The following AFG2A variants were observed in gnomAD, a reference collection of about 807,000 sequenced individuals.
AFG2A encodes the protein ATPase family gene 2 protein homolog A.
At chr4:123,285,415 A>G in the AFG2A span, among the ~76,000 whole-genome samples, 1 of 151,896 alleles carries the variant, frequency 6.6e-6, no homozygotes, top group African/African-American at 2.4e-5. Context: ...TTTTCTCATT[A>G]CCTGAGACAC....
At chr4:122,982,864 C>CTTTTTTTTTT in the AFG2A span, among the ~76,000 whole-genome samples, 2 of 93,766 alleles carry the variant, frequency 2.1e-5, no homozygotes, top group East Asian at 3.2e-4. Context: ...TAATCTTCTT[C>CTTTTTTTTTT]TTTTTTTTTT....
At chr4:123,024,004 AAG>A in the AFG2A span, among the ~76,000 whole-genome samples, 1 of 151,768 alleles carries the variant, frequency 6.6e-6, no homozygotes, top group Non-Finnish European at 1.5e-5. Context: ...GTTAAATTAG[AAG>A]AGAGAGGAGT....
At chr4:123,305,458 C>G in the AFG2A span, among the ~76,000 whole-genome samples, 1 of 152,136 alleles carries the variant, frequency 6.6e-6, no homozygotes, top group African/African-American at 2.4e-5. Flanking sequence ...GACATGCTGA[C>G]GCTACCCAGG....
At chr4:123,228,863 T>C in the AFG2A span, among the ~76,000 whole-genome samples, 1 of 152,006 alleles carries the variant, frequency 6.6e-6, no homozygotes, top group African/African-American at 2.4e-5. Context: ...GGTAAGCTGA[T>C]TGGAGGCTAT....
At chr4:123,228,743 T>A in the AFG2A span, among the ~76,000 whole-genome samples, 2 of 151,998 alleles carry the variant, frequency 1.3e-5, no homozygotes, top group African/African-American at 4.8e-5. Flanking sequence ...TGTTACACAC[T>A]TAGCAAATGG....
the AFG2A span, among the ~76,000 whole-genome samples, chr4:123,220,445 A>C: frequency 6.6e-6 from 1 of 151,272 alleles, no homozygotes; most frequent in Non-Finnish European, 1.5e-5. Flanking sequence ...CCCTGCCTCT[A>C]CTAAAAATAG....
At chr4:123,141,487 CA>C in the AFG2A span, among the ~76,000 whole-genome samples, 1 of 152,050 alleles carries the variant, frequency 6.6e-6, no homozygotes, top group East Asian at 1.9e-4. Context: ...AACAAACAAA[CA>C]AAAAAACAGT....
At chr4:123,099,802 T>C in the AFG2A span, among the ~76,000 whole-genome samples, 1,862 of 151,986 alleles carry the variant, frequency 0.012, 38 homozygotes, top group African/African-American at 0.042. Flanking sequence ...GTAATGTAAA[T>C]ATTTATTCAT....
chr4:123,037,655 T>C, the AFG2A span, among the ~76,000 whole-genome samples: 1 of 152,124 alleles, frequency 6.6e-6, no homozygotes, highest in African/African-American at 2.4e-5. Flanking sequence ...TAGCCTATGC[T>C]ACTATCTATT....
At chr4:123,077,688 T>C in the AFG2A span, among the ~76,000 whole-genome samples, 3 of 152,202 alleles carry the variant, frequency 2.0e-5, no homozygotes, top group African/African-American at 7.2e-5. Context: ...ATCTTTTATC[T>C]TGGGCAGTAA....
chr4:122,992,090 G>A, the AFG2A span, among the ~76,000 whole-genome samples: 6 of 152,270 alleles, frequency 3.9e-5, no homozygotes, highest in African/African-American at 1.2e-4. Flanking sequence ...AGAACATACA[G>A]TAACATTTTG....
chr4:123,200,264 A>G, the AFG2A span, among the ~76,000 whole-genome samples: 8 of 152,228 alleles, frequency 5.3e-5, no homozygotes, highest in Non-Finnish European at 1.0e-4. Context: ...CTCTATTCCA[A>G]AAGGAAAGTC....
At chr4:123,151,511 A>G in the AFG2A span, among the ~76,000 whole-genome samples, 8 of 152,244 alleles carry the variant, frequency 5.3e-5, no homozygotes, top group Middle Eastern at 3.2e-3. Context: ...CGTTTATGCA[A>G]CCAACAAACA....
chr4:123,011,771 G>C, the AFG2A span, among the ~76,000 whole-genome samples: 3 of 152,172 alleles, frequency 2.0e-5, no homozygotes, highest in African/African-American at 7.2e-5. Context: ...AGGAGGAATG[G>C]AGGGTGGAAG....
chr4:122,995,209 C>A, the AFG2A span, among the ~76,000 whole-genome samples: 1 of 151,854 alleles, frequency 6.6e-6, no homozygotes, highest in African/African-American at 2.4e-5. Context: ...TTCTATGATG[C>A]TTTATTAAAT....
chr4:123,290,471 G>A, the AFG2A span, among the ~76,000 whole-genome samples: 38 of 152,186 alleles, frequency 2.5e-4, 1 homozygote, highest in East Asian at 4.8e-3. Flanking sequence ...TCCAGTGTAC[G>A]TTTTTGTCAT....
the AFG2A span, among the ~76,000 whole-genome samples, chr4:123,136,433 C>A: frequency 6.6e-6 from 1 of 151,920 alleles, no homozygotes; most frequent in Non-Finnish European, 1.5e-5. Flanking sequence ...CTTTGGGAGG[C>A]CTAGACGGGC....
the AFG2A span, among the ~76,000 whole-genome samples, chr4:123,255,700 A>G: frequency 6.9e-6 from 1 of 144,912 alleles, no homozygotes; most frequent in Non-Finnish European, 1.5e-5. Flanking sequence ...CAAACCTCCC[A>G]TAAGTACTGC....
At chr4:123,189,890 C>T in the AFG2A span, among the ~76,000 whole-genome samples, 3 of 139,046 alleles carry the variant, frequency 2.2e-5, no homozygotes, top group Non-Finnish European at 4.5e-5. Context: ...TCATGGCTCA[C>T]TGCAGCCCGG....
Sources: gnomAD v4.1 joint callset for allele counts (sites outside exome capture counted in the v4.1 genomes callset) on GRCh38, gnomAD v4.1.1 for gene constraint, MANE v1.5 for transcripts, NCBI Gene and HGNC (gene_info 2026-07-23, HGNC 2026-07-21) for gene names.